ARHGEF10: variants seen among roughly 807,000 people sequenced by gnomAD.
The protein encoded by ARHGEF10 is Rho guanine nucleotide exchange factor 10.
Under a neutral mutation model 147.4 loss-of-function variants are expected in ARHGEF10, and 140 were observed. That is an observed-to-expected ratio of 0.95 (90% CI 0.83 to 1.09). ARHGEF10 has a LOEUF of 1.09. Ranked by LOEUF, ARHGEF10 falls within the 50% of genes least tolerant of loss-of-function variation. The pLI is 0.00. For missense variants in ARHGEF10, 2,222 were observed against 1,752.7 expected, an observed-to-expected ratio of 1.27 and a Z score of -4.78; for synonymous variants, 902 against 695.8, an observed-to-expected ratio of 1.30 and a Z score of -4.67.
At chr8:1,914,742 G>A (rs1811629764) in intron 18 of ARHGEF10, among the ~76,000 whole-genome samples, 1 of 152,224 alleles carries the variant, frequency 6.6e-6, no homozygotes, top group South Asian at 2.1e-4. Context: ...GTGTGTGTGT[G>A]GGAGATGAGG....
intron 1 of ARHGEF10, among the ~76,000 whole-genome samples, chr8:1,841,451 A>G (rs565203841): frequency 6.8e-4 from 104 of 152,216 alleles, no homozygotes; most frequent in African/African-American, 2.5e-3. Context: ...TATGGAAACC[A>G]TTGGTTTATT....
intron 27 of ARHGEF10, among the ~76,000 whole-genome samples, chr8:1,950,730 G>GTTTTTTTTTTTTTTTTTTTTTTTTTT (rs71211528): frequency 9.2e-6 from 1 of 108,458 alleles, no homozygotes; most frequent in Non-Finnish European, 1.8e-5. Context: ...TGTTTTTTAG[G>GTTTTTTTTTTTTTTTTTTTTTTTTTT]TTTTTTTTTT....
At chr8:1,878,857 G>T (rs1807929793) in intron 8 of ARHGEF10, among the ~76,000 whole-genome samples, 1 of 152,166 alleles carries the variant, frequency 6.6e-6, no homozygotes, top group South Asian at 2.1e-4. Flanking sequence ...CCAGCACACA[G>T]TGGGTTTGTG....
At chr8:1,848,743 T>C (rs1215666824) in intron 2 of ARHGEF10, among the ~76,000 whole-genome samples, 1 of 152,188 alleles carries the variant, frequency 6.6e-6, no homozygotes, top group African/African-American at 2.4e-5. Context: ...ACTGTTAAAA[T>C]TTTATTGAAT....
At chr8:1,864,471 C>T (rs919091009) in intron 5 of ARHGEF10, 35 bp downstream of exon 5, 1 of 1,598,144 alleles carries the variant, frequency 6.3e-7, no homozygotes, top group African/African-American at 1.3e-5. Context: ...CTGCTGAATT[C>T]CCGCCTTTCT....
intron 1 of ARHGEF10, chr8:1,825,905 A>C: frequency 1.7e-6 from 1 of 604,984 alleles, no homozygotes; most frequent in Non-Finnish European, 2.9e-6. Flanking sequence ...AAGGAGGAAC[A>C]ATTTCACTGT....
At chr8:1,878,324 G>A (rs1427739460) in intron 8 of ARHGEF10, among the ~76,000 whole-genome samples, 1 of 151,992 alleles carries the variant, frequency 6.6e-6, no homozygotes, top group Non-Finnish European at 1.5e-5. Context: ...CAAGTAGCTG[G>A]GATTATAGGC....
rs201921720 is a variant in ARHGEF10 at position 1,885,588 on chromosome 8, C to A, written c.1076-13C>A. 6.4e-6 allele frequency: 10 copies of A among 1,555,414 alleles called. No individual in the cohort carries two copies. In the East Asian group the frequency reaches 2.0e-4, roughly 32 times the overall value. ...TGAATGTAAAATTCATGCATTTTGA[C>A]TTTTTTTTTAAGATCACAGATCTTC... On this transcript the variant is annotated splice_polypyrimidine_tract_variant and intron_variant, in intron 10 of 28. Coordinates refer to ENST00000349830, the MANE Select transcript of ARHGEF10 (RefSeq NM_014629.4).
At chr8:1,880,566 A>C (rs911342172) in intron 9 of ARHGEF10, among the ~76,000 whole-genome samples, 1 of 152,222 alleles carries the variant, frequency 6.6e-6, no homozygotes, top group African/African-American at 2.4e-5. Context: ...AAAATATCCA[A>C]AATTTTTCAG....
At chr8:1,889,905 A>C (rs191869547) in intron 11 of ARHGEF10, among the ~76,000 whole-genome samples, 1 of 106,976 alleles carries the variant, frequency 9.3e-6, no homozygotes, top group Non-Finnish European at 1.9e-5. Flanking sequence ...CATGGGGTGA[A>C]CTTTGTTAGG....
intron 1 of ARHGEF10, among the ~76,000 whole-genome samples, chr8:1,833,047 CAGAGGCAGAG>C (rs1803316256): frequency 6.8e-5 from 1 of 14,636 alleles, no homozygotes. Context: ...GAGACAGAGA[CAGAGGCAGAG>C]AGAGACAGAG....
intron 27 of ARHGEF10, 44 bp from the exon 28 acceptor site, chr8:1,952,661 G>T: frequency 2.5e-6 from 4 of 1,611,340 alleles, no homozygotes; most frequent in Non-Finnish European, 3.4e-6. Context: ...CACCAACTCT[G>T]CTACACAAAC....
chr8:1,947,326 C>A (rs1345816261), intron 27 of ARHGEF10, among the ~76,000 whole-genome samples: 1 of 152,190 alleles, frequency 6.6e-6, no homozygotes, highest in Non-Finnish European at 1.5e-5. Flanking sequence ...GCAGACCTCC[C>A]TCCGGGGCGA....
intron 2 of ARHGEF10, among the ~76,000 whole-genome samples, chr8:1,847,979 C>G (rs1186727836): frequency 1.3e-5 from 2 of 152,200 alleles, no homozygotes; most frequent in Non-Finnish European, 2.9e-5. Flanking sequence ...TTGGAACAGT[C>G]AGAGCGCTGT....
chr8:1,955,911 T>C (rs1222052690), intron 28 of ARHGEF10, among the ~76,000 whole-genome samples: 1 of 152,360 alleles, frequency 6.6e-6, no homozygotes, highest in East Asian at 1.9e-4. Context: ...CCCCAGCTCC[T>C]GCTCCCTGCA....
Position 1,928,580 on chromosome 8 carries a change from C to G in ARHGEF10, c.2851C>G (p.Pro951Ala). ...GAAGCGCAGAGAGCCTGGGGCACCC[C>G]CGGACCCCGAGACCCCGGCCGTGAG... ...EEKRREPGAP[P>A]DPETPAVRAS... The change falls in exon 24 of 29, where the codon CCG (proline) becomes GCG (alanine). Residue 951 changes from proline (P) to alanine (A), a missense_variant. Coordinates refer to ENST00000349830, the MANE Select transcript of ARHGEF10 (RefSeq NM_014629.4). The G allele has an allele frequency of 6.2e-7, 1 of 1,614,238 alleles. No homozygotes were observed. The highest frequency in any genetic ancestry group is 8.5e-7 in the Non-Finnish European group (1 of 1,180,044).
chr8:1,952,454 C>T (rs1441678753), intron 27 of ARHGEF10, among the ~76,000 whole-genome samples: 1 of 152,194 alleles, frequency 6.6e-6, no homozygotes, highest in Admixed American at 6.5e-5. Context: ...AGACGACAGC[C>T]CAGGAGACCC....
intron 1 of ARHGEF10, among the ~76,000 whole-genome samples, chr8:1,827,679 A>G (rs1038905250): frequency 2.6e-5 from 4 of 152,224 alleles, no homozygotes; most frequent in East Asian, 1.9e-4. Context: ...TTGTTGTATC[A>G]TTAGAGTAAA....
At chr8:1,917,600 C>T (rs558067148) in intron 18 of ARHGEF10, among the ~76,000 whole-genome samples, 131 of 152,258 alleles carry the variant, frequency 8.6e-4, no homozygotes, top group Non-Finnish European at 1.4e-3. Flanking sequence ...ACAAGAGAAG[C>T]GTCCGTGAGA....
Sources: gnomAD v4.1 joint callset for allele counts (sites outside exome capture counted in the v4.1 genomes callset) on GRCh38, gnomAD v4.1.1 for gene constraint, MANE v1.5 for transcripts, NCBI Gene and HGNC (gene_info 2026-07-23, HGNC 2026-07-21) for gene names.